The following AMMECR1 variants were observed in gnomAD, a reference collection of about 807,000 sequenced individuals.
AMMECR1 encodes nuclear protein AMMECR1.
A neutral mutation model predicts 22.5 loss-of-function variants in AMMECR1; 3 were observed. The observed-to-expected ratio is 0.13, with a 90% confidence interval of 0.06 to 0.35. The LOEUF is 0.35. Ranked by LOEUF, AMMECR1 falls within the 10% of genes least tolerant of loss-of-function variation. The pLI is 1.00. For missense variants in AMMECR1, 235 were observed against 278.7 expected, an observed-to-expected ratio of 0.84 and a Z score of 1.12; for synonymous variants, 130 against 116.7, an observed-to-expected ratio of 1.11 and a Z score of -0.74.
chrX:110,250,231 T>C (rs1231789110), intron 2 of AMMECR1, among the ~76,000 whole-genome samples: 5 of 112,296 alleles, frequency 4.5e-5, no homozygotes, highest in Non-Finnish European at 7.5e-5. Flanking sequence ...GGGTACTTTC[T>C]ATTCTGGAAT....
chrX:110,249,480 A>G (rs1245504134), intron 2 of AMMECR1, among the ~76,000 whole-genome samples: 2 of 112,003 alleles, frequency 1.8e-5, no homozygotes, highest in Admixed American at 1.9e-4. Context: ...TTTCACCTTC[A>G]TAAGGTTGTT....
At chrX:110,348,794 A>T (rs780797084) in intron 2 of AMMECR1, among the ~76,000 whole-genome samples, 1 of 112,403 alleles carries the variant, frequency 8.9e-6, no homozygotes, top group Admixed American at 9.4e-5. Flanking sequence ...GCATAGAAAA[A>T]GGTCTGGATG....
rs1365803723 is a variant in AMMECR1, at chrX:110,307,589, G to A, written c.473+10010C>T. Among the ~76,000 whole-genome samples, 3 of 111,313 alleles carry A rather than the reference G, an allele frequency of 2.7e-5. No individual in the cohort carries two copies. In the East Asian group the frequency reaches 8.4e-4, roughly 31 times the overall value. ...TATAAATATACAGGCCTAAAAAGAA[G>A]ATATGTCTGAATACCTGAGGATTTA... On this transcript the variant is annotated intron_variant, in intron 1 of 5. Coordinates refer to ENST00000262844, the MANE Select transcript of AMMECR1 (RefSeq NM_015365.3).
At chrX:110,258,437 A>C (rs1171743949) in intron 2 of AMMECR1, among the ~76,000 whole-genome samples, 1 of 111,699 alleles carries the variant, frequency 9.0e-6, no homozygotes, top group Non-Finnish European at 1.9e-5. Context: ...TTGAGTAAAG[A>C]GCGTACAACA....
At position 110,342,589 on chromosome X, in the gene AMMECR1, C is replaced by T. The variant is rs777414568; in HGVS notation, c.-147-24740G>A. Among the ~76,000 whole-genome samples the T allele has an allele frequency of 1.7e-4, 19 of 111,170 alleles. 1 individual carries two copies. The highest frequency in any genetic ancestry group is 2.1e-4 in the Non-Finnish European group (11 of 53,003). ...GTTTCACCATGTTGGTCAGGATGGT[C>T]TCAAACTCCTGACTTCATGATCTGC... On this transcript the variant is annotated intron_variant, in intron 2 of 7. Transcript: ENST00000372057.
chrX:110,251,258 G>A (rs941926479), intron 2 of AMMECR1, among the ~76,000 whole-genome samples: 1 of 111,787 alleles, frequency 8.9e-6, no homozygotes, highest in Non-Finnish European at 1.9e-5. Context: ...TGTGTTAAGT[G>A]TTATAATAGA....
chrX:110,356,937 A>G lies in AMMECR1; in HGVS notation c.-147-39088T>C, dbSNP rs184915224. On this transcript the variant is annotated intron_variant, in intron 2 of 7. Coordinates refer to the AMMECR1 transcript ENST00000372057. ...CTAACTACTACATTACAAATTTTGC[A>G]TTCTTATATTAAAATATTGAAATGA... Among the ~76,000 whole-genome samples the G allele has an allele frequency of 5.2e-3, 585 of 111,732 alleles. 5 individuals are homozygous for G. Among genetic ancestry groups the G allele is most frequent in the African/African-American group, 0.017 (533 of 30,809 alleles).
intron 2 of AMMECR1, among the ~76,000 whole-genome samples, chrX:110,354,215 G>A (rs1033200501): frequency 5.4e-5 from 6 of 111,717 alleles, no homozygotes; most frequent in African/African-American, 1.9e-4. Flanking sequence ...GCAACTTTGA[G>A]TAAGAAGAAC....
intron 2 of AMMECR1, among the ~76,000 whole-genome samples, chrX:110,234,653 C>G (rs1468723573): frequency 9.0e-6 from 1 of 110,750 alleles, no homozygotes; most frequent in East Asian, 2.8e-4. Flanking sequence ...TGGAACACAA[C>G]AGAGCCCTCA....
intron 1 of AMMECR1, among the ~76,000 whole-genome samples, chrX:110,285,561 T>C (rs1291006746): frequency 8.9e-6 from 1 of 112,135 alleles, no homozygotes; most frequent in Non-Finnish European, 1.9e-5. Context: ...CTTATTGGAA[T>C]GTAGCAAGGA....
chrX:110,383,405 G>A (rs1042152325), intron 2 of AMMECR1, among the ~76,000 whole-genome samples: 4 of 111,500 alleles, frequency 3.6e-5, no homozygotes, highest in Admixed American at 9.5e-5. Flanking sequence ...TAAATAAAAA[G>A]TGGCAGAATC....
intron 1 of AMMECR1, among the ~76,000 whole-genome samples, chrX:110,266,014 C>G (rs1279717137): frequency 9.0e-6 from 1 of 111,156 alleles, no homozygotes; most frequent in Admixed American, 9.5e-5. Context: ...AAAAAGATGA[C>G]TTAAGTGTAA....
chrX:110,309,260 G>A (rs1189388180), intron 1 of AMMECR1: 1 of 112,186 alleles, frequency 8.9e-6, no homozygotes, highest in East Asian at 2.8e-4. Context: ...ATTACTCAAA[G>A]ATCCACTAAC....
intron 2 of AMMECR1, among the ~76,000 whole-genome samples, chrX:110,399,271 C>G (rs1371041551): frequency 8.9e-6 from 1 of 112,520 alleles, no homozygotes; most frequent in African/African-American, 3.2e-5. Context: ...CAACCCCAAA[C>G]TTAGAAATGC....
intron 1 of AMMECR1, chrX:110,305,603 C>G (rs897713347): frequency 9.0e-6 from 1 of 111,632 alleles, no homozygotes; most frequent in African/African-American, 3.3e-5. Flanking sequence ...TTCACAGATG[C>G]CACTGCCACA....
At chrX:110,401,582 G>C (rs756037424) in intron 2 of AMMECR1, among the ~76,000 whole-genome samples, 18 of 111,722 alleles carry the variant, frequency 1.6e-4, no homozygotes, top group Non-Finnish European at 3.4e-4. Context: ...CTGTGTTGTG[G>C]TAAGGGGAAG....
chrX:110,437,919 A>T (rs936767100), intron 1 of AMMECR1, among the ~76,000 whole-genome samples: 3 of 111,664 alleles, frequency 2.7e-5, no homozygotes, highest in African/African-American at 9.8e-5. Context: ...GAGTTCCCCT[A>T]TCTCTTATCC....
intron 2 of AMMECR1, among the ~76,000 whole-genome samples, chrX:110,392,892 T>G (rs1329713752): frequency 8.9e-6 from 1 of 111,976 alleles, no homozygotes; most frequent in East Asian, 2.8e-4. Flanking sequence ...GGTATGTATA[T>G]GTGAGTTTGA....
intron 1 of AMMECR1, among the ~76,000 whole-genome samples, chrX:110,296,290 C>A (rs1038854075): frequency 5.4e-5 from 6 of 112,081 alleles, no homozygotes; most frequent in Non-Finnish European, 1.1e-4. Flanking sequence ...ATTGAGGATC[C>A]CTTGTGAGTC....
Sources: allele counts gnomAD v4.1 joint callset (sites outside exome capture counted in the v4.1 genomes callset), GRCh38; gene constraint gnomAD v4.1.1; transcripts MANE v1.5; gene names NCBI Gene and HGNC (gene_info 2026-07-23, HGNC 2026-07-21).